Variants in NOL4 observed in about 807,000 individuals in gnomAD.
NOL4 encodes nucleolar protein 4, also known as cancer/testis antigen 125.
NOL4 carries 17 observed loss-of-function variants against 75.9 expected under a neutral mutation model. The observed-to-expected ratio is 0.22, with a 90% CI of 0.15 to 0.34. NOL4 has a LOEUF of 0.34. Among genes scored for constraint, NOL4 ranks in the 10% least tolerant of loss-of-function variants. NOL4 has a pLI of 1.00. For synonymous variants in NOL4, 292 were observed against 289.9 expected (o/e 1.01, Z -0.07); for missense variants, 614 against 793.5 (o/e 0.77, Z 2.72).
In NOL4 at chr18:33,922,542, G is replaced by A. The variant is rs114964502; in HGVS notation, c.1542+20523C>T. Among the ~76,000 whole-genome samples the A allele has an allele frequency of 5.3e-3, 814 of 152,286 alleles. 13 individuals carry two copies. The highest frequency in any genetic ancestry group is 0.019 in the African/African-American group (784 of 41,564). ...TTTCTAGCACTTAGTCTTGCAGTCT[G>A]CAGGCTGTATTACAGAGACCTTTAG... On this transcript the variant is annotated intron_variant, in intron 9 of 10. Transcript: ENST00000261592.
chr18:34,124,206 C>T (rs1476196483), intron 2 of NOL4, among the ~76,000 whole-genome samples: 1 of 152,060 alleles, frequency 6.6e-6, no homozygotes, highest in African/African-American at 2.4e-5. Context: ...AAATTAAGTT[C>T]TAAGCCTGAT....
chr18:33,961,738 A>G (rs2070143663), intron 6 of NOL4, among the ~76,000 whole-genome samples: 1 of 152,066 alleles, frequency 6.6e-6, no homozygotes, highest in Non-Finnish European at 1.5e-5. Context: ...GAGGCCATCC[A>G]TTCATCACTG....
At chr18:34,109,558 T>G (rs1277849497) in intron 2 of NOL4, among the ~76,000 whole-genome samples, 2 of 151,788 alleles carry the variant, frequency 1.3e-5, no homozygotes, top group African/African-American at 4.8e-5. Context: ...GAATTAATTT[T>G]TAAAAGAAGA....
intron 6 of NOL4, among the ~76,000 whole-genome samples, chr18:34,012,892 C>T (rs1041602290): frequency 6.6e-6 from 1 of 151,920 alleles, no homozygotes; most frequent in Non-Finnish European, 1.5e-5. Flanking sequence ...ACCACATGAT[C>T]CAGAGAGATG....
intron 8 of NOL4, among the ~76,000 whole-genome samples, chr18:33,951,850 T>C (rs2069248781): frequency 6.6e-6 from 1 of 152,214 alleles, no homozygotes; most frequent in African/African-American, 2.4e-5. Context: ...AATGAGCCTT[T>C]CTTGGGCCCA....
chr18:34,166,747 TA>T (rs919915795), intron 1 of NOL4, among the ~76,000 whole-genome samples: 1 of 110,910 alleles, frequency 9.0e-6, no homozygotes, highest in African/African-American at 3.2e-5. Context: ...AATATAATAG[TA>T]AAAAAAAGGC....
At chr18:34,207,107 G>T (rs772514016) in intron 1 of NOL4, among the ~76,000 whole-genome samples, 6 of 152,084 alleles carry the variant, frequency 3.9e-5, no homozygotes, top group Non-Finnish European at 8.8e-5. Context: ...TTTACTTCAA[G>T]AGTGTTTGCA....
chr18:34,222,374 C>A, intron 1 of NOL4: 1 of 1,198,928 alleles, frequency 8.3e-7, no homozygotes, highest in Non-Finnish European at 1.0e-6. Context: ...TCTCCAGGAC[C>A]TTATCTACAA....
intron 6 of NOL4, 37 bp from the exon 7 acceptor site, chr18:33,958,455 A>T: frequency 6.5e-7 from 1 of 1,539,914 alleles, no homozygotes; most frequent in Non-Finnish European, 8.8e-7. Context: ...TTTTAAATTC[A>T]TTGCACAAGC....
At chr18:34,184,522 G>C (rs2146352061) in intron 1 of NOL4, among the ~76,000 whole-genome samples, 1 of 152,128 alleles carries the variant, frequency 6.6e-6, no homozygotes, top group South Asian at 2.1e-4. Context: ...GTTGGAAAGT[G>C]GGAGTGGTTA....
chr18:34,191,391 A>G (rs1055230448), intron 1 of NOL4, among the ~76,000 whole-genome samples: 1 of 152,166 alleles, frequency 6.6e-6, no homozygotes, highest in Non-Finnish European at 1.5e-5. Context: ...ACTATAATTA[A>G]CATAATATCC....
At chr18:34,103,724 A>C (rs2079143127) in intron 4 of NOL4, among the ~76,000 whole-genome samples, 1 of 152,006 alleles carries the variant, frequency 6.6e-6, no homozygotes, top group African/African-American at 2.4e-5. Flanking sequence ...ATTATTTCGG[A>C]TACTTTACTG....
At chr18:33,997,415 T>G (rs2073373367) in intron 6 of NOL4, among the ~76,000 whole-genome samples, 1 of 151,674 alleles carries the variant, frequency 6.6e-6, no homozygotes, top group African/African-American at 2.4e-5. Context: ...TCTCTATTGT[T>G]TTTGATTGTT....
At chr18:33,950,773 C>G (rs1399992642) in intron 8 of NOL4, among the ~76,000 whole-genome samples, 2 of 152,060 alleles carry the variant, frequency 1.3e-5, no homozygotes, top group African/African-American at 2.4e-5. Flanking sequence ...TAGACAAAGA[C>G]CTAGTTGACT....
intron 9 of NOL4, among the ~76,000 whole-genome samples, chr18:33,928,957 T>C (rs1338881895): frequency 6.6e-6 from 1 of 152,182 alleles, no homozygotes; most frequent in Non-Finnish European, 1.5e-5. Flanking sequence ...TTATTGCTTT[T>C]TGGCATATGC....
In NOL4 at chr18:34,104,358, T is replaced by C. The variant is rs73957430; in HGVS notation, c.527-199A>G. ...TATTGACACTGTTTAACAGTACTAA[T>C]AAATTATTTATAAATGCAGGGGAAC... On this transcript the variant is annotated intron_variant, in intron 3 of 10. Transcript: ENST00000261592. Among the ~76,000 whole-genome samples, 508 of 152,164 alleles carry C rather than the reference T, an allele frequency of 3.3e-3. 1 individual carries two copies. The highest frequency in any genetic ancestry group is 0.012 in the African/African-American group (485 of 41,566).
intron 1 of NOL4, among the ~76,000 whole-genome samples, chr18:34,148,447 A>G (rs2081502663): frequency 6.6e-6 from 1 of 151,902 alleles, no homozygotes; most frequent in African/African-American, 2.4e-5. Context: ...GAACTTACTT[A>G]TTTCTGCCTT....
At chr18:34,019,239 T>G in intron 6 of NOL4, 79 bp downstream of exon 6, 1 of 1,154,704 alleles carries the variant, frequency 8.7e-7, no homozygotes, top group Admixed American at 2.2e-5. Flanking sequence ...ACAATAATGT[T>G]TATCTGCTAT....
intron 5 of NOL4, among the ~76,000 whole-genome samples, chr18:34,093,100 A>C (rs541297506): frequency 3.9e-5 from 6 of 152,320 alleles, no homozygotes; most frequent in African/African-American, 1.4e-4. Context: ...TCTTTTGATC[A>C]TATTTAAATG....
Sources: allele counts gnomAD v4.1 joint callset (sites outside exome capture counted in the v4.1 genomes callset), GRCh38; gene constraint gnomAD v4.1.1; transcripts MANE v1.5; gene names NCBI Gene and HGNC (gene_info 2026-07-23, HGNC 2026-07-21).